Variants in VRK2 observed in about 807,000 individuals in gnomAD.
The protein encoded by VRK2 is serine/threonine-protein kinase VRK2.
Under a neutral mutation model 57.6 loss-of-function variants are expected in VRK2, and 60 were observed. That is an observed-to-expected ratio of 1.04 (90% CI 0.85 to 1.29). The LOEUF (loss-of-function observed/expected upper bound fraction) is 1.29, where lower values mean the gene tolerates loss of function less well. Ranked by LOEUF, VRK2 falls within the 50% of genes most tolerant of loss-of-function variation. The pLI is 0.00. For missense variants in VRK2, 705 were observed against 588.1 expected, an observed-to-expected ratio of 1.20 and a Z score of -2.06; for synonymous variants, 231 against 199.2, an observed-to-expected ratio of 1.16 and a Z score of -1.35.
At chr2:58,041,158 T>C (rs1256230341) in intron 3 of VRK2, 2 of 759,688 alleles carry the variant, frequency 2.6e-6, no homozygotes, top group African/African-American at 3.8e-5. Context: ...AGGGTAAGAA[T>C]CATACCACTT....
At chr2:58,034,416 A>G (rs78793447) in intron 3 of VRK2, among the ~76,000 whole-genome samples, 4,868 of 152,028 alleles carry the variant, frequency 0.032, 270 homozygotes, top group African/African-American at 0.11. Context: ...TTACTCCCTC[A>G]AAGTGTTGCT....
Position 58,084,881 on chromosome 2 carries a change from G to T in VRK2, c.187G>T (p.Glu63Ter). ...AAATTAATTATTCTTTTTTTTATAG[G>T]AATATCAAGAAAATGGCCCGTTATT... ...EKDARHVVKVEYQENGPLFSE... is the reference protein window; with the variant it reads ...EKDARHVVKV Residue 63 changes from glutamate (E) to a stop codon, truncating the protein, a stop_gained and splice_region_variant, in exon 4 of 13, where the codon GAA becomes TAA. Coordinates refer to ENST00000340157, the MANE Select transcript of VRK2 (RefSeq NM_006296.7). LOFTEE classifies it high-confidence loss of function. The T allele has an allele frequency of 6.5e-7, 1 of 1,530,294 alleles. No individual in the cohort carries two copies. The highest frequency in any genetic ancestry group is 1.2e-5 in the South Asian group (1 of 82,206). 94.8% of individuals were successfully genotyped at this position (1,530,294 alleles called of 1,614,324 possible).
At chr2:58,143,273 T>G (rs1261182157) in intron 11 of VRK2, among the ~76,000 whole-genome samples, 2 of 151,922 alleles carry the variant, frequency 1.3e-5, no homozygotes. Flanking sequence ...CAATGGAAAA[T>G]TAAATAAAAA....
At chr2:58,145,541 T>C (rs1396045755) in intron 11 of VRK2, among the ~76,000 whole-genome samples, 1 of 152,022 alleles carries the variant, frequency 6.6e-6, no homozygotes, top group Non-Finnish European at 1.5e-5. Context: ...AATGTGACAA[T>C]TTTCTCTAAA....
At chr2:58,106,267 G>A (rs1674737011) in intron 7 of VRK2, among the ~76,000 whole-genome samples, 1 of 151,952 alleles carries the variant, frequency 6.6e-6, no homozygotes, top group Non-Finnish European at 1.5e-5. Context: ...GGTATTTTTA[G>A]TAAAGAGGCA....
intron 1 of VRK2, among the ~76,000 whole-genome samples, chr2:57,959,448 T>A (rs763489137): frequency 2.0e-5 from 3 of 152,216 alleles, no homozygotes; most frequent in Non-Finnish European, 4.4e-5. Flanking sequence ...CTGCTCCAGC[T>A]CTTTGTGAAC....
intron 11 of VRK2, among the ~76,000 whole-genome samples, chr2:58,143,266 T>A (rs186182587): frequency 3.4e-4 from 52 of 152,080 alleles, no homozygotes; most frequent in African/African-American, 1.2e-3. Flanking sequence ...GAAGTTCCAA[T>A]GGAAAATTAA....
chr2:58,012,863 T>A (rs1189192142), intron 1 of VRK2, among the ~76,000 whole-genome samples: 1 of 152,218 alleles, frequency 6.6e-6, no homozygotes, highest in Non-Finnish European at 1.5e-5. Context: ...ACACTAAATA[T>A]TTTAGTTACC....
intron 2 of VRK2, among the ~76,000 whole-genome samples, chr2:58,053,687 A>C (rs1337840032): frequency 6.6e-6 from 1 of 152,176 alleles, no homozygotes; most frequent in Non-Finnish European, 1.5e-5. Flanking sequence ...ACTAGCAACA[A>C]AGTAGTGTGT....
At chr2:58,126,077 A>G (rs573015945) in intron 8 of VRK2, among the ~76,000 whole-genome samples, 1 of 152,168 alleles carries the variant, frequency 6.6e-6, no homozygotes, top group South Asian at 2.1e-4. Context: ...TCTCAGAAAA[A>G]TCTTTTTTTC....
At chr2:58,135,347 T>C (rs1679861374) in intron 10 of VRK2, 148 bp downstream of exon 10, 1 of 743,788 alleles carries the variant, frequency 1.3e-6, no homozygotes, top group Non-Finnish European at 2.2e-6. Context: ...AATAAGTTGC[T>C]AAAGAACACA....
chr2:57,920,087 A>G (rs571459641), intron 1 of VRK2, among the ~76,000 whole-genome samples: 1 of 152,272 alleles, frequency 6.6e-6, no homozygotes, highest in South Asian at 2.1e-4. Context: ...AATACAAAAA[A>G]GCACCTGAAA....
At chr2:58,075,786 CA>C (rs1483674361) in intron 2 of VRK2, among the ~76,000 whole-genome samples, 1 of 146,790 alleles carries the variant, frequency 6.8e-6, no homozygotes, top group Non-Finnish European at 1.5e-5. Context: ...TAGGTTCTGG[CA>C]AAGTAGTTTC....
chr2:58,111,856 A>G (rs1271251597), intron 7 of VRK2, among the ~76,000 whole-genome samples: 1 of 152,210 alleles, frequency 6.6e-6, no homozygotes, highest in Non-Finnish European at 1.5e-5. Context: ...ATAGATTGGC[A>G]ACTTTTTCTG....
chr2:58,105,530 G>C (rs951954989), intron 7 of VRK2, among the ~76,000 whole-genome samples: 2 of 151,500 alleles, frequency 1.3e-5, no homozygotes, highest in Non-Finnish European at 3.0e-5. Context: ...GCTATTATGA[G>C]AAAGACAAAA....
Position 58,102,866 on chromosome 2 carries a change from T to C in VRK2, c.543+13143T>C, listed in dbSNP as rs141682669. On this transcript the variant is annotated intron_variant, in intron 7 of 12. Transcript: ENST00000340157. The stretch of plus-strand genomic sequence containing the variant: ...ACTAGCCTCAATACATTTTAAAAAA[T>C]CAAAATCATATCAAGTGTCATGTCA... 6.0e-4 allele frequency among the ~76,000 whole-genome samples: 91 copies of C among 151,698 alleles called. No homozygotes were observed. In the East Asian group the frequency reaches 0.017, roughly 28 times the overall value.
At position 58,028,789 on chromosome 2, in the gene VRK2, A is replaced by C. The variant is rs997396056; in HGVS notation, c.-333+3019A>C. ...ATTACGAGATATACCTAATGTAAAT[A>C]ATGAGTTAATGGGTGCAGCACACCA... On this transcript the variant is annotated intron_variant, in intron 2 of 15. Transcript: ENST00000417641. Among the ~76,000 whole-genome samples, 3 of 149,914 alleles carry C rather than the reference A, an allele frequency of 2.0e-5. No homozygotes were observed. In the Admixed American group the frequency reaches 2.0e-4, roughly 10 times the overall value.
intron 9 of VRK2, among the ~76,000 whole-genome samples, chr2:58,132,849 C>T (rs1436092174): frequency 6.6e-6 from 1 of 152,132 alleles, no homozygotes; most frequent in Non-Finnish European, 1.5e-5. Context: ...TGAAACATTT[C>T]TCCACTCAGA....
chr2:58,094,898 T>G lies in VRK2; in HGVS notation c.543+5175T>G, dbSNP rs75006314. On this transcript the variant is annotated intron_variant, in intron 7 of 12. Coordinates refer to ENST00000340157, the MANE Select transcript of VRK2 (RefSeq NM_006296.7). ...AATTTCTGAAGCTTTATAATGTAAT[T>G]TAACATTGGATTGGACTAGTAGTTC... Among the ~76,000 whole-genome samples the G allele has an allele frequency of 5.2e-3, 790 of 152,312 alleles. 10 individuals are homozygous for G. The highest frequency in any genetic ancestry group is 0.018 in the African/African-American group (732 of 41,568).
Sources: gnomAD v4.1 joint callset for allele counts (sites outside exome capture counted in the v4.1 genomes callset) on GRCh38, gnomAD v4.1.1 for gene constraint, MANE v1.5 for transcripts, NCBI Gene and HGNC (gene_info 2026-07-23, HGNC 2026-07-21) for gene names.